The following RNF168 variants were observed in gnomAD, a reference collection of about 807,000 sequenced individuals.
RNF168 encodes the protein E3 ubiquitin-protein ligase RNF168.
Under a neutral mutation model 34.9 loss-of-function variants are expected in RNF168, and 34 were observed. The observed-to-expected ratio is 0.97, with a 90% CI of 0.74 to 1.30. The LOEUF (loss-of-function observed/expected upper bound fraction) is 1.30, where lower values mean the gene tolerates loss of function less well. Among genes scored for constraint, RNF168 ranks in the 50% most tolerant of loss-of-function variants. RNF168 has a pLI of 0.00. For synonymous variants in RNF168, 264 were observed against 254.7 expected (o/e 1.04, Z -0.35); for missense variants, 725 against 682.5 (o/e 1.06, Z -0.69).
chr3:196,482,472 A>T (rs1025746062), intron 4 of RNF168, among the ~76,000 whole-genome samples: 3 of 152,186 alleles, frequency 2.0e-5, no homozygotes, highest in Non-Finnish European at 4.4e-5. Context: ...CTAGGAGTGG[A>T]ATTGCTGGGT....
rs1477187518 is a variant in RNF168 at position 196,471,679 on chromosome 3, T to TA, written c.*139dup. The TA allele has an allele frequency of 1.3e-5, 9 of 714,708 alleles. No individual in the cohort carries two copies. Among genetic ancestry groups the TA allele is most frequent in the Non-Finnish European group, 1.0e-5 (4 of 397,734 alleles). 44.3% of individuals were successfully genotyped at this position (714,708 alleles called of 1,614,324 possible). A position where few individuals can be genotyped will look rare whatever the true frequency, so the allele number is the denominator to read the frequency against. On this transcript the variant is annotated 3_prime_UTR_variant, in exon 6 of 6. Coordinates refer to ENST00000318037, the MANE Select transcript of RNF168 (RefSeq NM_152617.4). Reference sequence around the variant, plus strand: ...GAAGCTCATGTGTCTATGCAGTCCTTACAATCACACAGACCTTCATTAAGG... The same window carrying TA: ...GAAGCTCATGTGTCTATGCAGTCCTTAACAATCACACAGACCTTCATTAAGG...
intron 3 of RNF168, among the ~76,000 whole-genome samples, chr3:196,486,567 C>T (rs945375587): frequency 6.6e-6 from 1 of 152,162 alleles, no homozygotes; most frequent in Non-Finnish European, 1.5e-5. Context: ...CTCCTGGGCT[C>T]AAGCGATCCT....
chr3:196,501,435 G>C (rs761434090), intron 1 of RNF168, among the ~76,000 whole-genome samples: 49 of 152,132 alleles, frequency 3.2e-4, no homozygotes, highest in Non-Finnish European at 5.7e-4. Flanking sequence ...ATGAACCTCA[G>C]AAACACGCTA....
At position 196,483,801 on chromosome 3, in the gene RNF168, TCTTA is replaced by T. The variant is rs756027854; in HGVS notation, c.645_648del (p.Ser215ArgfsTer14). On this transcript the variant is annotated frameshift_variant, in exon 4 of 6. Transcript: ENST00000318037. LOFTEE classifies it high-confidence loss of function. ...ATATCTCCAGTGTTTCTTTGTTTGT[TCTTA>T]CTTTTCTTTTCAGACTTGGGTGTAA... 5 of 1,611,584 alleles carry T rather than the reference TCTTA, an allele frequency of 3.1e-6. No homozygotes were observed. The East Asian group carries it at 8.9e-5, about 29-fold the overall frequency.
At chr3:196,501,415 C>T (rs115062304) in intron 1 of RNF168, among the ~76,000 whole-genome samples, 2,358 of 152,270 alleles carry the variant, frequency 0.015, 63 homozygotes, top group African/African-American at 0.054. Context: ...TGATCCATGC[C>T]ACACTGTACA....
chr3:196,497,561 T>G (rs1732774027), intron 1 of RNF168, among the ~76,000 whole-genome samples: 1 of 151,938 alleles, frequency 6.6e-6, no homozygotes, highest in Non-Finnish European at 1.5e-5. Context: ...TCCCAGCTAC[T>G]CAGGAGGCTG....
Position 196,470,877 on chromosome 3 carries a change from C to T in RNF168, c.*942G>A, listed in dbSNP as rs564977429. On this transcript the variant is annotated 3_prime_UTR_variant, in exon 6 of 6. Coordinates refer to ENST00000318037, the MANE Select transcript of RNF168 (RefSeq NM_152617.4). ...CTGATTTAACACTGATTCGAATCCA[C>T]TTTAAACCAAAGGAAACAGGCCGGG... 3.3e-5 allele frequency: 5 copies of T among 152,508 alleles called. No individual in the cohort carries two copies. Among genetic ancestry groups the T allele is most frequent in the African/African-American group, 1.2e-4 (5 of 41,560 alleles). The allele number at this position is 152,508 out of a possible 1,614,324, so 9.4% of individuals were successfully genotyped here.
At chr3:196,477,966 C>A (rs1365269028) in intron 4 of RNF168, among the ~76,000 whole-genome samples, 1 of 151,716 alleles carries the variant, frequency 6.6e-6, no homozygotes, top group Admixed American at 6.6e-5. Flanking sequence ...TGCCTATAGT[C>A]CCAGCTACTC....
rs754688748 is a variant in RNF168 at position 196,503,565 on chromosome 3, G to A, written c.-392C>T. 28 of 243,892 alleles carry A rather than the reference G, an allele frequency of 1.1e-4. 1 individual carries two copies. Among genetic ancestry groups the A allele is most frequent in the Non-Finnish European group, 1.8e-4 (22 of 121,260 alleles). The allele number at this position is 243,892 out of a possible 1,614,324, so 15.1% of individuals were successfully genotyped here. A position where few individuals can be genotyped will look rare whatever the true frequency, so the allele number is the denominator to read the frequency against. ...ATGCTCCGCTCAGCTCGGGGCAGCC[G>A]GGCCCCGGGACGCGGCTCCGGGAGG... is the stretch of plus-strand genomic sequence containing the variant. On this transcript the variant is annotated 5_prime_UTR_variant, in exon 1 of 6. Coordinates refer to ENST00000318037, the MANE Select transcript of RNF168 (RefSeq NM_152617.4).
At position 196,503,563 on chromosome 3, in the gene RNF168, C is replaced by G. The variant is rs942540817; in HGVS notation, c.-390G>C. On this transcript the variant is annotated 5_prime_UTR_variant, in exon 1 of 6. Transcript: ENST00000318037. ...GGATGCTCCGCTCAGCTCGGGGCAGCCGGGCCCCGGGACGCGGCTCCGGGA... is the reference window on the plus strand; with the variant it reads ...GGATGCTCCGCTCAGCTCGGGGCAGGCGGGCCCCGGGACGCGGCTCCGGGA... The G allele has an allele frequency of 8.1e-6, 2 of 245,648 alleles. No homozygotes were observed. Among genetic ancestry groups the G allele is most frequent in the Non-Finnish European group, 1.6e-5 (2 of 122,164 alleles). The allele number at this position is 245,648 out of a possible 1,614,324, so 15.2% of individuals were successfully genotyped here. A position where few individuals can be genotyped will look rare whatever the true frequency, so the allele number is the denominator to read the frequency against.
rs150054759 is a variant in RNF168 at position 196,475,168 on chromosome 3, A to C, written c.762+63T>G. ...TTTGTTAAAAGGTAGAAAACTATGG[A>C]TAGCACTAATCTACAGCATTAATGA... On this transcript the variant is annotated intron_variant, in intron 5 of 5. Transcript: ENST00000318037. 3.7e-4 allele frequency: 335 copies of C among 911,552 alleles called. 2 individuals are homozygous for C. The African/African-American group carries it at 4.7e-3, about 13-fold the overall frequency. The allele number at this position is 911,552 out of a possible 1,614,324, so 56.5% of individuals were successfully genotyped here.
rs146862652 is a variant in RNF168 at position 196,475,499 on chromosome 3, A to C, written c.681-187T>G. On this transcript the variant is annotated intron_variant, in intron 4 of 5. Coordinates refer to ENST00000318037, the MANE Select transcript of RNF168 (RefSeq NM_152617.4). Reference sequence around the variant, plus strand: ...ACAAAACTTAAATGATTGAGTATTGATATTTTAGTGAAAAACAGAAAAGGA... The same window carrying C: ...ACAAAACTTAAATGATTGAGTATTGCTATTTTAGTGAAAAACAGAAAAGGA... 349 of 569,068 alleles carry C rather than the reference A, an allele frequency of 6.1e-4. 1 individual carries two copies. The highest frequency in any genetic ancestry group is 6.1e-3 in the African/African-American group (323 of 52,704). The allele number at this position is 569,068 out of a possible 1,614,324, so 35.3% of individuals were successfully genotyped here.
chr3:196,479,963 G>A (rs1021867068), intron 4 of RNF168, among the ~76,000 whole-genome samples: 1 of 152,126 alleles, frequency 6.6e-6, no homozygotes. Flanking sequence ...GTTTATGAGA[G>A]AACAGTCATA....
intron 3 of RNF168, among the ~76,000 whole-genome samples, chr3:196,485,968 G>C (rs1732412426): frequency 6.6e-6 from 1 of 152,076 alleles, no homozygotes; most frequent in Non-Finnish European, 1.5e-5. Flanking sequence ...AATAGATTTG[G>C]AGTAAATATG....
intron 3 of RNF168, among the ~76,000 whole-genome samples, chr3:196,485,713 T>G (rs2108649494): frequency 6.6e-6 from 1 of 152,094 alleles, no homozygotes; most frequent in East Asian, 1.9e-4. Context: ...TTATTAATGG[T>G]AGGCCTCTCA....
rs1732005978 is a variant in RNF168 at position 196,471,506 on chromosome 3, C to T, written c.*313G>A. ...AAAAAGGTGAGCAAAGGCCATAAAA[C>T]ATGCAGTTTTTGGAAAGACAATGGC... On this transcript the variant is annotated 3_prime_UTR_variant, in exon 6 of 6. Transcript: ENST00000318037. 3.1e-6 allele frequency: 1 copy of T among 325,572 alleles called. No individual in the cohort carries two copies. The highest frequency in any genetic ancestry group is 4.4e-5 in the Admixed American group (1 of 22,808). The allele number at this position is 325,572 out of a possible 1,614,324, so 20.2% of individuals were successfully genotyped here.
intron 1 of RNF168, among the ~76,000 whole-genome samples, chr3:196,498,064 C>T (rs1024954038): frequency 3.9e-5 from 6 of 152,164 alleles, no homozygotes; most frequent in African/African-American, 7.2e-5. Flanking sequence ...AGACAGATAA[C>T]ATCAAAAGTT....
At chr3:196,493,284 A>G (rs1732640265) in intron 1 of RNF168, among the ~76,000 whole-genome samples, 1 of 152,228 alleles carries the variant, frequency 6.6e-6, no homozygotes, top group Admixed American at 6.5e-5. Flanking sequence ...ACTTATTTCT[A>G]CATAAACTGA....
chr3:196,488,578 TC>T lies in RNF168; in HGVS notation c.378+28del, dbSNP rs777000132. On this transcript the variant is annotated intron_variant, in intron 2 of 5. Coordinates refer to ENST00000318037, the MANE Select transcript of RNF168 (RefSeq NM_152617.4). ...AACTAAAAACACAGCAGAGAAATAT[TC>T]CAAAAAAAAAAACTATTTAGCACCT... The T allele has an allele frequency of 8.4e-5, 103 of 1,227,226 alleles. 1 individual carries two copies. Among genetic ancestry groups the T allele is most frequent in the Admixed American group, 4.8e-4 (26 of 53,794 alleles). 76.0% of individuals were successfully genotyped at this position (1,227,226 alleles called of 1,614,324 possible). A position where few individuals can be genotyped will look rare whatever the true frequency, so the allele number is the denominator to read the frequency against.
Sources: allele counts gnomAD v4.1 joint callset (sites outside exome capture counted in the v4.1 genomes callset), GRCh38; gene constraint gnomAD v4.1.1; transcripts MANE v1.5; gene names NCBI Gene and HGNC (gene_info 2026-07-23, HGNC 2026-07-21).